PHYHIP: variants seen among roughly 807,000 people sequenced by gnomAD.
The protein encoded by PHYHIP is phytanoyl-CoA hydroxylase-interacting protein.
In PHYHIP, 7 loss-of-function variants were observed where a neutral mutation model predicts 26.1. The ratio of observed to expected loss-of-function variants is 0.27; its 90% CI spans 0.15 to 0.50. The LOEUF (loss-of-function observed/expected upper bound fraction) is 0.50, where lower values mean the gene tolerates loss of function less well. PHYHIP is among the 20% of genes least tolerant of loss of function. PHYHIP has a pLI of 0.98. For synonymous variants in PHYHIP, 206 were observed against 183.4 expected (o/e 1.12, Z -1.00); for missense variants, 232 against 454.7 (o/e 0.51, Z 4.45).
rs987648772 is a variant in PHYHIP at position 22,220,824 on chromosome 8, T to C, written c.*529A>G. On this transcript the variant is annotated 3_prime_UTR_variant, in exon 5 of 5. Transcript: ENST00000454243. ...TCACGGTGGTGCAGGAGACTATTTATAGAAGGAAGGGATCCAGGCCTGGAG... is the reference window on the plus strand; with the variant it reads ...TCACGGTGGTGCAGGAGACTATTTACAGAAGGAAGGGATCCAGGCCTGGAG... 6 of 152,824 alleles carry C rather than the reference T, an allele frequency of 3.9e-5. No homozygotes were observed. The highest frequency in any genetic ancestry group is 7.3e-5 in the Non-Finnish European group (5 of 68,572). 9.5% of individuals were successfully genotyped at this position (152,824 alleles called of 1,614,324 possible). A position where few individuals can be genotyped will look rare whatever the true frequency, so the allele number is the denominator to read the frequency against.
rs1174813247 is a variant in PHYHIP, at chr8:22,221,910, C to G, written c.459-23G>C. ...GTCCTGCCCACCCCAGGGAGACACA[C>G]CAAAGGGAAGAGAAGATGTGGCTGG... is the stretch of plus-strand genomic sequence containing the variant. On this transcript the variant is annotated intron_variant, in intron 4 of 4. Transcript: ENST00000454243. This position sits in a 1 kb window ranked among gnomAD's most constrained non-coding sequence, Gnocchi z 7.9. 2 of 1,478,656 alleles carry G rather than the reference C, an allele frequency of 1.4e-6. No homozygotes were observed. The highest frequency in any genetic ancestry group is 2.8e-5 in the African/African-American group (2 of 71,564). 91.6% of individuals were successfully genotyped at this position (1,478,656 alleles called of 1,614,324 possible). A position where few individuals can be genotyped will look rare whatever the true frequency, so the allele number is the denominator to read the frequency against.
intron 3 of PHYHIP, among the ~76,000 whole-genome samples, chr8:22,226,113 C>T (rs538904048): frequency 2.0e-5 from 3 of 152,222 alleles, no homozygotes; most frequent in South Asian, 4.1e-4. Context: ...AGAGAGTTTG[C>T]GGGGCCATTG....
chr8:22,228,938 T>A (rs1829813371), intron 1 of PHYHIP: 5 of 152,560 alleles, frequency 3.3e-5, no homozygotes. Flanking sequence ...CGTTGGTGCA[T>A]GTGGACACAT....
At chr8:22,227,393 C>T (rs1348508919) in intron 2 of PHYHIP, among the ~76,000 whole-genome samples, 2 of 152,152 alleles carry the variant, frequency 1.3e-5, no homozygotes, top group Non-Finnish European at 2.9e-5. Context: ...GGAAAATATG[C>T]CTTATTCTTT....
At chr8:22,225,577 C>T (rs1829725753) in intron 3 of PHYHIP, among the ~76,000 whole-genome samples, 1 of 149,156 alleles carries the variant, frequency 6.7e-6, no homozygotes, top group Non-Finnish European at 1.5e-5. Flanking sequence ...GGCAGATCAC[C>T]TGAGGTCAGG....
intron 3 of PHYHIP, among the ~76,000 whole-genome samples, chr8:22,226,620 C>T (rs897663661): frequency 6.6e-6 from 1 of 152,168 alleles, no homozygotes; most frequent in African/African-American, 2.4e-5. Context: ...GTGGTCTTGC[C>T]AGCGTGATTA....
intron 3 of PHYHIP, among the ~76,000 whole-genome samples, chr8:22,225,549 C>T (rs892806079): frequency 6.6e-6 from 1 of 150,728 alleles, no homozygotes; most frequent in Non-Finnish European, 1.5e-5. Flanking sequence ...AATCGCAGCA[C>T]TTTGGGAGGC....
At chr8:22,229,550 C>T (rs777846206) in intron 1 of PHYHIP, among the ~76,000 whole-genome samples, 22 of 152,108 alleles carry the variant, frequency 1.4e-4, no homozygotes, top group Admixed American at 1.0e-3. Flanking sequence ...GGCCTAGCTC[C>T]GGGATGGGGA....
Position 22,219,850 on chromosome 8 carries a change from G to A in PHYHIP, c.*1503C>T, listed in dbSNP as rs190082178. ...CCCCCACAGCAATGCTGTCAGCACA[G>A]GGGGAAGGAAAGGGCCTGGGCCATG... On this transcript the variant is annotated 3_prime_UTR_variant, in exon 5 of 5. Coordinates refer to ENST00000454243, the MANE Select transcript of PHYHIP (RefSeq NM_014759.5). 538 of 153,114 alleles carry A rather than the reference G, an allele frequency of 3.5e-3. 1 individual carries two copies. Among genetic ancestry groups the A allele is most frequent in the Non-Finnish European group, 5.7e-3 (391 of 68,344 alleles). 9.5% of individuals were successfully genotyped at this position (153,114 alleles called of 1,614,324 possible).
Position 22,220,631 on chromosome 8 carries a change from G to C in PHYHIP, c.*722C>G, listed in dbSNP as rs1465445700. The C allele has an allele frequency of 6.6e-6, 1 of 152,300 alleles. No homozygotes were observed. The highest frequency in any genetic ancestry group is 6.5e-5 in the Admixed American group (1 of 15,276). 9.4% of individuals were successfully genotyped at this position (152,300 alleles called of 1,614,324 possible). A position where few individuals can be genotyped will look rare whatever the true frequency, so the allele number is the denominator to read the frequency against. On this transcript the variant is annotated 3_prime_UTR_variant, in exon 5 of 5. Coordinates refer to ENST00000454243, the MANE Select transcript of PHYHIP (RefSeq NM_014759.5). ...CTCTAAGCAAGGAGAAGGTATGCTG[G>C]GGTATGGAAGGAAGGAACATCCGAC...
intron 2 of PHYHIP, chr8:22,227,736 A>G: frequency 2.2e-6 from 1 of 457,310 alleles, no homozygotes; most frequent in Non-Finnish European, 4.4e-6. Flanking sequence ...CTGAGGCCAC[A>G]GCAAAAGGGC....
chr8:22,231,177 C>T (rs562735669), intron 1 of PHYHIP, among the ~76,000 whole-genome samples: 16 of 152,264 alleles, frequency 1.1e-4, no homozygotes, highest in African/African-American at 3.9e-4. Context: ...TTACCCACTC[C>T]ATCCTGCTCT....
In PHYHIP at chr8:22,221,366, C is replaced by T. The variant is rs745929958; in HGVS notation, c.980G>A (p.Ser327Asn). The change falls in exon 5 of 5, where the codon AGC becomes AAC. Residue 327 changes from serine to asparagine, a missense_variant. Ser to Asn is a conservative substitution (Grantham distance 46). Transcript: ENST00000454243. The surrounding 1 kb of genome is among the most constrained non-coding windows in gnomAD (Gnocchi z 7.9). ...KDPSCKTCNI[S>N]VGR is the part of the protein sequence containing the mutation. ...CCCCAGGAGTCCCTAGCGGCCCACGCTGATGTTGCAGGTCTTGCAGCTGGG... is the reference window on the plus strand; with the variant it reads ...CCCCAGGAGTCCCTAGCGGCCCACGTTGATGTTGCAGGTCTTGCAGCTGGG... 6.3e-7 allele frequency: 1 copy of T among 1,591,276 alleles called. No individual in the cohort carries two copies. The highest frequency in any genetic ancestry group is 8.6e-7 in the Non-Finnish European group (1 of 1,164,532).
At chr8:22,223,829 C>A in intron 4 of PHYHIP, 4 of 163,536 alleles carry the variant, frequency 2.4e-5, no homozygotes, top group Non-Finnish European at 2.6e-5. Flanking sequence ...GAGCTGGGTG[C>A]TTCCTCGAAC....
intron 4 of PHYHIP, among the ~76,000 whole-genome samples, chr8:22,223,343 C>G (rs115484404): frequency 0.015 from 1,953 of 132,410 alleles, 44 homozygotes; most frequent in African/African-American, 0.055. Flanking sequence ...GCCTGGGTGA[C>G]AGAGAAGACG....
At chr8:22,222,536 GA>G (rs1233534130) in intron 4 of PHYHIP, among the ~76,000 whole-genome samples, 3 of 152,198 alleles carry the variant, frequency 2.0e-5, no homozygotes, top group South Asian at 2.1e-4. Flanking sequence ...AAAGTGCTAG[GA>G]TTGCAGGTGT....
intron 4 of PHYHIP, 48 bp downstream of exon 4, chr8:22,224,178 G>T: frequency 1.8e-6 from 2 of 1,105,534 alleles, no homozygotes; most frequent in Non-Finnish European, 2.8e-6. Flanking sequence ...GGAAGGGCTG[G>T]GAGGGAGGAG....
chr8:22,227,069 G>C, intron 2 of PHYHIP, 44 bp from the exon 3 acceptor site: 1 of 1,546,532 alleles, frequency 6.5e-7, no homozygotes, highest in Non-Finnish European at 8.8e-7. Flanking sequence ...TCAAACAGGG[G>C]TTCATGCCCA....
intron 2 of PHYHIP, 24 bp downstream of exon 2, chr8:22,228,169 G>C: frequency 5.0e-6 from 8 of 1,605,864 alleles, no homozygotes; most frequent in Non-Finnish European, 6.8e-6. Flanking sequence ...CTGGGGAGGG[G>C]CTCCCAGGAC....
Sources: gnomAD v4.1 joint callset for allele counts (sites outside exome capture counted in the v4.1 genomes callset) on GRCh38, gnomAD v4.1.1 for gene constraint, Gnocchi (gnomAD v3.1) non-coding constraint, MANE v1.5 for transcripts, NCBI Gene and HGNC (gene_info 2026-07-23, HGNC 2026-07-21) for gene names.